RAPGEF4: variants seen among roughly 807,000 people sequenced by gnomAD.
RAPGEF4 encodes RAP guanine-nucleotide-exchange factor (GEF) 4.
A neutral mutation model predicts 147.9 loss-of-function variants in RAPGEF4; 66 were observed. The observed-to-expected ratio is 0.45, with a 90% CI of 0.37 to 0.55. RAPGEF4 has a LOEUF of 0.55. Among genes scored for constraint, RAPGEF4 ranks in the 20% least tolerant of loss-of-function variants. The pLI is 0.00. For missense variants in RAPGEF4, 1,071 were observed against 1,257.3 expected (o/e 0.85, Z 2.24); for synonymous variants, 419 against 442.7 (o/e 0.95, Z 0.67).
intron 10 of RAPGEF4, among the ~76,000 whole-genome samples, chr2:172,973,647 G>A (rs781474934): frequency 4.6e-5 from 7 of 152,252 alleles, no homozygotes; most frequent in Non-Finnish European, 8.8e-5. Context: ...CTCTGTGTAC[G>A]TTGGGTATTA....
At chr2:172,940,410 T>C (rs1195734628) in intron 6 of RAPGEF4, among the ~76,000 whole-genome samples, 1 of 152,072 alleles carries the variant, frequency 6.6e-6, no homozygotes, top group Non-Finnish European at 1.5e-5. Context: ...AGATTCTTCA[T>C]GGGTTGGTGC....
At chr2:172,749,571 T>A (rs1046556356) in intron 1 of RAPGEF4, among the ~76,000 whole-genome samples, 2 of 152,198 alleles carry the variant, frequency 1.3e-5, no homozygotes, top group African/African-American at 4.8e-5. Flanking sequence ...AACCACTTTT[T>A]CCTCCTAGGC....
intron 4 of RAPGEF4, among the ~76,000 whole-genome samples, chr2:172,854,894 C>A (rs1221447584): frequency 6.6e-6 from 1 of 152,140 alleles, no homozygotes; most frequent in East Asian, 1.9e-4. Context: ...AATGTCTCTG[C>A]AAGCCCGATG....
intron 3 of RAPGEF4, among the ~76,000 whole-genome samples, chr2:172,802,527 C>T (rs760426115): frequency 5.3e-5 from 8 of 152,192 alleles, no homozygotes; most frequent in Non-Finnish European, 8.8e-5. Context: ...CAGGTTCTTC[C>T]TGCAACACAT....
intron 1 of RAPGEF4, among the ~76,000 whole-genome samples, chr2:172,792,173 T>C (rs1685891162): frequency 6.6e-6 from 1 of 152,244 alleles, no homozygotes; most frequent in African/African-American, 2.4e-5. Flanking sequence ...TGTGCTTTAC[T>C]GTCTGGGATC....
chr2:172,797,465 G>C, intron 2 of RAPGEF4, 60 bp from the exon 3 acceptor site: 1 of 1,380,896 alleles, frequency 7.2e-7, no homozygotes, highest in Non-Finnish European at 1.0e-6. Context: ...AAAACTGGCA[G>C]ATCATATAGT....
intron 1 of RAPGEF4, among the ~76,000 whole-genome samples, chr2:172,750,839 G>GT (rs1341288487): frequency 2.0e-5 from 3 of 151,978 alleles, no homozygotes; most frequent in Non-Finnish European, 4.4e-5. Context: ...CAGATTACTT[G>GT]TTTTTTTGGT....
At chr2:173,033,994 C>A (rs1199748191) in intron 27 of RAPGEF4, 30 bp downstream of exon 27, 1 of 1,590,364 alleles carries the variant, frequency 6.3e-7, no homozygotes, top group African/African-American at 1.4e-5. Flanking sequence ...TTATTCTGTT[C>A]ACTGTCTACA....
intron 4 of RAPGEF4, among the ~76,000 whole-genome samples, chr2:172,824,470 AC>A (rs1689444860): frequency 6.6e-6 from 1 of 152,164 alleles, no homozygotes; most frequent in Non-Finnish European, 1.5e-5. Flanking sequence ...TTTGTTCCTT[AC>A]AAGTCTGTGT....
At chr2:172,912,058 C>A (rs1374974195) in intron 4 of RAPGEF4, among the ~76,000 whole-genome samples, 1 of 152,206 alleles carries the variant, frequency 6.6e-6, no homozygotes, top group African/African-American at 2.4e-5. Flanking sequence ...TGGGCCACCA[C>A]ACCCAGTCTG....
intron 4 of RAPGEF4, among the ~76,000 whole-genome samples, chr2:172,904,856 C>T (rs1448112879): frequency 6.6e-6 from 1 of 151,876 alleles, no homozygotes; most frequent in African/African-American, 2.4e-5. Context: ...CTCCAAGCAG[C>T]AGGCAGGGCG....
chr2:172,892,226 A>G (rs932942644), intron 4 of RAPGEF4, among the ~76,000 whole-genome samples: 21 of 152,198 alleles, frequency 1.4e-4, no homozygotes, highest in Non-Finnish European at 1.6e-4. Flanking sequence ...AGGTCCAGCT[A>G]GGACATCCTC....
At chr2:172,885,005 C>T (rs796077007) in intron 4 of RAPGEF4, among the ~76,000 whole-genome samples, 4 of 152,206 alleles carry the variant, frequency 2.6e-5, no homozygotes, top group Admixed American at 6.5e-5. Flanking sequence ...GTGGACTGCC[C>T]CCTGTCCCCT....
At chr2:173,050,650 T>C (rs1428089400) in intron 30 of RAPGEF4, among the ~76,000 whole-genome samples, 1 of 150,952 alleles carries the variant, frequency 6.6e-6, no homozygotes, top group African/African-American at 2.4e-5. Context: ...CCCACAGAGG[T>C]GTTGGGTCTA....
rs1697075489 is a variant in RAPGEF4, at chr2:173,030,362, G to A, written c.2649+108G>A. ...ATCACTCACACTAGTATAACAATGG[G>A]AAAGGTGGGACACTTGGAGGGAGGT... On this transcript the variant is annotated intron_variant, in intron 26 of 30. Coordinates refer to ENST00000397081, the MANE Select transcript of RAPGEF4 (RefSeq NM_007023.4). 25 of 864,326 alleles carry A rather than the reference G, an allele frequency of 2.9e-5. No homozygotes were observed. In the South Asian group the frequency reaches 3.5e-4, roughly 12 times the overall value. 53.5% of individuals were successfully genotyped at this position (864,326 alleles called of 1,614,324 possible). A position where few individuals can be genotyped will look rare whatever the true frequency, so the allele number is the denominator to read the frequency against.
At chr2:172,798,032 G>A (rs896306536) in intron 3 of RAPGEF4, among the ~76,000 whole-genome samples, 4 of 152,068 alleles carry the variant, frequency 2.6e-5, no homozygotes, top group Admixed American at 6.5e-5. Flanking sequence ...TCCCCTCATC[G>A]GCCTTGTAGG....
At chr2:172,955,187 T>C (rs1688601416) in intron 6 of RAPGEF4, among the ~76,000 whole-genome samples, 1 of 152,198 alleles carries the variant, frequency 6.6e-6, no homozygotes, top group South Asian at 2.1e-4. Flanking sequence ...ATATGGTCTT[T>C]CGTGAGGCCT....
At chr2:172,850,843 T>C (rs1692733978) in intron 4 of RAPGEF4, among the ~76,000 whole-genome samples, 1 of 152,208 alleles carries the variant, frequency 6.6e-6, no homozygotes, top group South Asian at 2.1e-4. Context: ...TTTTTCCTTA[T>C]TGGTCTAACT....
chr2:173,006,270 T>G (rs1482426013), intron 17 of RAPGEF4, among the ~76,000 whole-genome samples: 1 of 152,246 alleles, frequency 6.6e-6, no homozygotes, highest in Non-Finnish European at 1.5e-5. Flanking sequence ...TGAAGCTTAC[T>G]CTGCCAATAG....
Sources: gnomAD v4.1 joint callset for allele counts (sites outside exome capture counted in the v4.1 genomes callset) on GRCh38, gnomAD v4.1.1 for gene constraint, MANE v1.5 for transcripts, NCBI Gene and HGNC (gene_info 2026-07-23, HGNC 2026-07-21) for gene names.